ERAP1: variants seen among roughly 807,000 people sequenced by gnomAD.
ERAP1 encodes the protein endoplasmic reticulum aminopeptidase 1.
In ERAP1, 86 loss-of-function variants were observed where a neutral mutation model predicts 103.7. The ratio of observed to expected loss-of-function variants is 0.83; its 90% CI spans 0.70 to 0.99. The LOEUF is 0.99. Among genes scored for constraint, ERAP1 ranks in the 50% least tolerant of loss-of-function variants. ERAP1 has a pLI of 0.00. For missense variants in ERAP1, 1,009 were observed against 1,128.4 expected (o/e 0.89, Z 1.52); for synonymous variants, 398 against 402.4 (o/e 0.99, Z 0.13).
chr5:96,762,404 G>T (rs751841157), exon 20 of ERAP1: 1 of 1,474,430 alleles, frequency 6.8e-7, no homozygotes. Flanking sequence ...GGAGATAAAT[G>T]TTTTTGCGCA....
intron 19 of ERAP1, chr5:96,765,235 C>T (rs773618161): frequency 6.2e-7 from 1 of 1,601,530 alleles, no homozygotes; most frequent in South Asian, 1.1e-5. Context: ...GTGACAAAGA[C>T]CTCGATGATG....
chr5:96,846,867 AC>A, the ERAP1 span, among the ~76,000 whole-genome samples: 7 of 152,104 alleles, frequency 4.6e-5, no homozygotes, highest in African/African-American at 1.4e-4. Flanking sequence ...CAAATTGTGA[AC>A]TGAAGGTTCT....
At position 96,774,814 on chromosome 5, in the gene ERAP1, C is replaced by G; in HGVS notation, c.*1582G>C. On this transcript the variant is annotated 3_prime_UTR_variant, in exon 19 of 19. Transcript: ENST00000443439. ...AAAAATTCCAATTCCACTTTTATAC[C>G]TATTTATTTGTTGTAGTGAATGGTT... 3 of 984,298 alleles carry G rather than the reference C, an allele frequency of 3.0e-6. No individual in the cohort carries two copies. The highest frequency in any genetic ancestry group is 3.6e-6 in the Non-Finnish European group (3 of 829,000). The allele number at this position is 984,298 out of a possible 1,614,324, so 61.0% of individuals were successfully genotyped here.
chr5:96,767,392 C>T lies in ERAP1; in HGVS notation c.2819-4164G>A, dbSNP rs1254295827. On this transcript the variant is annotated intron_variant, in intron 19 of 19. Transcript: ENST00000296754. ...CTCTACTGCCTAAACCTAAGTAAAC[C>T]TTTACAGATATCTATGCTTAACCAA... 3 of 1,522,608 alleles carry T rather than the reference C, an allele frequency of 2.0e-6. No individual in the cohort carries two copies. The African/African-American group carries it at 4.1e-5, about 21-fold the overall frequency. 94.3% of individuals were successfully genotyped at this position (1,522,608 alleles called of 1,614,324 possible).
the ERAP1 span, among the ~76,000 whole-genome samples, chr5:96,879,246 AT>A: frequency 6.6e-6 from 1 of 152,242 alleles, no homozygotes; most frequent in Non-Finnish European, 1.5e-5. Flanking sequence ...ATAAACAAAA[AT>A]TTAAAATATA....
chr5:96,830,257 G>A, the ERAP1 span, among the ~76,000 whole-genome samples: 11 of 152,156 alleles, frequency 7.2e-5, no homozygotes, highest in African/African-American at 2.7e-4. Context: ...TGATTCGAGA[G>A]GGCTGATGCC....
the ERAP1 span, among the ~76,000 whole-genome samples, chr5:96,923,147 T>G: frequency 9.5e-4 from 144 of 152,290 alleles, 8 homozygotes; most frequent in South Asian, 0.029. Flanking sequence ...CTAATTTTTA[T>G]TTTTTAATTT....
the ERAP1 span, among the ~76,000 whole-genome samples, chr5:96,881,822 T>G: frequency 6.6e-6 from 1 of 152,122 alleles, no homozygotes; most frequent in Non-Finnish European, 1.5e-5. Flanking sequence ...AATCTAACAC[T>G]CTTTACAAAG....
At chr5:96,797,755 T>G (rs1432228014) in intron 3 of ERAP1, among the ~76,000 whole-genome samples, 1 of 152,246 alleles carries the variant, frequency 6.6e-6, no homozygotes, top group Non-Finnish European at 1.5e-5. Context: ...CTCAATTTCT[T>G]TTTTATTGAG....
chr5:96,884,923 A>G, the ERAP1 span, among the ~76,000 whole-genome samples: 1 of 151,412 alleles, frequency 6.6e-6, no homozygotes, highest in African/African-American at 2.4e-5. Context: ...GTATTGAGAA[A>G]ACAGCTAAAT....
chr5:96,827,736 A>C, the ERAP1 span, among the ~76,000 whole-genome samples: 71,687 of 151,972 alleles, frequency 0.47, 17,256 homozygotes, highest in Non-Finnish European at 0.51. Context: ...AGTAGTTTCC[A>C]TTTTACTTTT....
At chr5:96,792,635 C>G (rs1165716151) in intron 7 of ERAP1, among the ~76,000 whole-genome samples, 1 of 152,074 alleles carries the variant, frequency 6.6e-6, no homozygotes, top group Non-Finnish European at 1.5e-5. Context: ...CTCAACAGGA[C>G]AATATGTATC....
chr5:96,816,866 T>C, the ERAP1 span, among the ~76,000 whole-genome samples: 2 of 152,198 alleles, frequency 1.3e-5, no homozygotes, highest in African/African-American at 4.8e-5. Context: ...TCACCCTCCA[T>C]GTCTGTGTGC....
rs942645114 is a variant in ERAP1, at chr5:96,774,904, T to TGAC, written c.*1489_*1491dup. On this transcript the variant is annotated 3_prime_UTR_variant, in exon 19 of 19. Transcript: ENST00000443439. ...TGTCGTGTATTAGGGGAACACATTTTGACATTTTTCGTACCAATCATCAAT... is the reference window on the plus strand; with the variant it reads ...TGTCGTGTATTAGGGGAACACATTTTGACGACATTTTTCGTACCAATCATCAAT... 6.1e-6 allele frequency: 6 copies of TGAC among 985,422 alleles called. No homozygotes were observed. The highest frequency in any genetic ancestry group is 1.7e-5 in the African/African-American group (1 of 57,232). The allele number at this position is 985,422 out of a possible 1,614,324, so 61.0% of individuals were successfully genotyped here.
the ERAP1 span, among the ~76,000 whole-genome samples, chr5:96,822,035 A>T: frequency 1.3e-5 from 2 of 152,192 alleles, no homozygotes; most frequent in Non-Finnish European, 2.9e-5. Context: ...CTTGCTTTCT[A>T]CCTGAGCACC....
chr5:96,892,162 A>C, the ERAP1 span: 1 of 791,216 alleles, frequency 1.3e-6, no homozygotes, highest in Non-Finnish European at 2.0e-6. Flanking sequence ...CACCCTGTCA[A>C]TGTTAAGATA....
chr5:96,765,256 ACTCT>A, intron 19 of ERAP1: 1 of 1,608,860 alleles, frequency 6.2e-7, no homozygotes, highest in Non-Finnish European at 8.5e-7. Context: ...CCTTGGATAA[ACTCT>A]CTGACAGTCT....
intron 1 of ERAP1, 29 bp downstream of exon 1, chr5:96,807,831 C>G (rs1377381920): frequency 5.1e-6 from 5 of 985,612 alleles, no homozygotes; most frequent in Non-Finnish European, 6.0e-6. Context: ...GGCCCGCAGT[C>G]CCCTACCCGC....
In ERAP1 at chr5:96,762,412, G is replaced by A. The variant is rs144506614; in HGVS notation, c.*788C>T. ...TTATTTGGGAGATAAATGTTTTTGC[G>A]CAGCCACAACTAGAAAGAAAATAGG... is the stretch of plus-strand genomic sequence containing the variant. On this transcript the variant is annotated 3_prime_UTR_variant, in exon 20 of 20. Transcript: ENST00000296754. The A allele has an allele frequency of 2.8e-3, 4,018 of 1,430,376 alleles. 22 individuals are homozygous for A. Among genetic ancestry groups the A allele is most frequent in the East Asian group, 0.024 (991 of 41,554 alleles). 88.6% of individuals were successfully genotyped at this position (1,430,376 alleles called of 1,614,324 possible).
Sources: gnomAD v4.1 joint callset for allele counts (sites outside exome capture counted in the v4.1 genomes callset) on GRCh38, gnomAD v4.1.1 for gene constraint, MANE v1.5 for transcripts, NCBI Gene and HGNC (gene_info 2026-07-23, HGNC 2026-07-21) for gene names.